THNSL1: variants seen among roughly 807,000 people sequenced by gnomAD.
THNSL1 encodes the protein threonine synthase-like 1.
THNSL1 carries 48 observed loss-of-function variants against 50.4 expected under a neutral mutation model. The ratio of observed to expected loss-of-function variants is 0.95; its 90% confidence interval spans 0.76 to 1.21. The LOEUF (loss-of-function observed/expected upper bound fraction) is 1.21, where lower values mean the gene tolerates loss of function less well. Ranked by LOEUF, THNSL1 falls within the 50% of genes most tolerant of loss-of-function variation. The pLI is 0.00. For missense variants in THNSL1, 896 were observed against 871.7 expected (o/e 1.03, Z -0.35); for synonymous variants, 309 against 306.1 (o/e 1.01, Z -0.10).
chr10:24,956,633 T>C, the THNSL1 span, among the ~76,000 whole-genome samples: 3 of 152,190 alleles, frequency 2.0e-5, no homozygotes, highest in Non-Finnish European at 2.9e-5. Flanking sequence ...ACTCATCATC[T>C]CAAGCATTTT....
chr10:24,960,156 T>C, the THNSL1 span, among the ~76,000 whole-genome samples: 2 of 152,208 alleles, frequency 1.3e-5, no homozygotes, highest in African/African-American at 4.8e-5. Context: ...CAATTCCCTT[T>C]TGTCTCTCTC....
intron 1 of THNSL1, among the ~76,000 whole-genome samples, chr10:25,016,999 T>G (rs1040472687): frequency 1.3e-5 from 2 of 152,094 alleles, no homozygotes; most frequent in Non-Finnish European, 2.9e-5. Context: ...GCCCGCGGCC[T>G]CCTCCGCCTG....
chr10:24,987,043 C>T, the THNSL1 span, among the ~76,000 whole-genome samples: 1 of 152,192 alleles, frequency 6.6e-6, no homozygotes, highest in Non-Finnish European at 1.5e-5. Flanking sequence ...GTGGGGTGCT[C>T]CCAGCTCTTT....
chr10:24,961,314 A>G, the THNSL1 span, among the ~76,000 whole-genome samples: 38 of 152,322 alleles, frequency 2.5e-4, no homozygotes, highest in South Asian at 7.3e-3. Context: ...TGAAATAGCA[A>G]TGCCATCACT....
At chr10:24,994,490 C>T in the THNSL1 span, among the ~76,000 whole-genome samples, 7 of 151,696 alleles carry the variant, frequency 4.6e-5, no homozygotes, top group African/African-American at 1.5e-4. Flanking sequence ...CACACCACCA[C>T]GCCTGGCTAA....
the THNSL1 span, among the ~76,000 whole-genome samples, chr10:24,978,150 AGGTATAATT>A: frequency 6.6e-6 from 1 of 152,152 alleles, no homozygotes; most frequent in Admixed American, 6.5e-5. Flanking sequence ...TTCAGTTTGC[AGGTATAATT>A]GGTATTCACT....
chr10:24,952,981 G>A, the THNSL1 span, among the ~76,000 whole-genome samples: 1 of 151,986 alleles, frequency 6.6e-6, no homozygotes, highest in African/African-American at 2.4e-5. This position sits in a 1 kb window ranked among gnomAD's most constrained non-coding sequence, Gnocchi z 5.1. Context: ...GTGTCCCCCA[G>A]GCCCCTGATT....
the THNSL1 span, among the ~76,000 whole-genome samples, chr10:25,007,415 CTTATTTAT>C: frequency 6.6e-6 from 1 of 151,928 alleles, no homozygotes; most frequent in Non-Finnish European, 1.5e-5. Flanking sequence ...GTATAGGTTT[CTTATTTAT>C]TTATTTATTT....
At chr10:24,954,181 T>G in the THNSL1 span, among the ~76,000 whole-genome samples, 40 of 152,300 alleles carry the variant, frequency 2.6e-4, no homozygotes, top group African/African-American at 9.6e-4. Flanking sequence ...AGAAAAGTGC[T>G]ATCATTAGGA....
chr10:25,006,639 C>CA, the THNSL1 span, among the ~76,000 whole-genome samples: 4 of 151,490 alleles, frequency 2.6e-5, no homozygotes, highest in Admixed American at 6.6e-5. Flanking sequence ...ATAGCCTCAT[C>CA]AAAAAAAACC....
chr10:24,982,767 G>A, the THNSL1 span: 1 of 152,156 alleles, frequency 6.6e-6, no homozygotes, highest in African/African-American at 2.4e-5. Context: ...TCCCTCTGAA[G>A]GCTCTGTGAA....
the THNSL1 span, among the ~76,000 whole-genome samples, chr10:24,956,465 AT>A: frequency 6.0e-3 from 784 of 131,704 alleles, 5 homozygotes; most frequent in African/African-American, 0.016. Flanking sequence ...CATTTTATTT[AT>A]TTTTTTTTTT....
At chr10:24,984,761 G>A in the THNSL1 span, 1 of 1,611,836 alleles carries the variant, frequency 6.2e-7, no homozygotes, top group Non-Finnish European at 8.5e-7. Context: ...ATAATCTTGT[G>A]CTTTTCAATT....
the THNSL1 span, among the ~76,000 whole-genome samples, chr10:24,963,877 T>C: frequency 4.6e-5 from 7 of 152,182 alleles, no homozygotes; most frequent in Non-Finnish European, 7.4e-5. Flanking sequence ...CTATCCATTG[T>C]GAAAAGCTGT....
chr10:24,990,730 C>A, the THNSL1 span: 1 of 1,002,494 alleles, frequency 1.0e-6, no homozygotes, highest in Non-Finnish European at 1.4e-6. Flanking sequence ...GTTCAAAACC[C>A]TGTAAATTGA....
the THNSL1 span, among the ~76,000 whole-genome samples, chr10:24,963,002 C>T: frequency 1.3e-5 from 2 of 151,890 alleles, no homozygotes; most frequent in South Asian, 2.1e-4. Context: ...CATGGTAAGG[C>T]CAGATGCTGA....
chr10:24,977,246 G>A, the THNSL1 span, among the ~76,000 whole-genome samples: 1 of 152,244 alleles, frequency 6.6e-6, no homozygotes, highest in African/African-American at 2.4e-5. Flanking sequence ...ATAGATATAT[G>A]TATAATTATT....
the THNSL1 span, chr10:24,953,273 C>T: frequency 2.6e-5 from 4 of 151,094 alleles, no homozygotes; most frequent in African/African-American, 9.7e-5. Flanking sequence ...CCTCCCTCAT[C>T]CCAGGGCCTG....
chr10:24,955,196 A>C, the THNSL1 span, among the ~76,000 whole-genome samples: 3 of 152,118 alleles, frequency 2.0e-5, no homozygotes, highest in Non-Finnish European at 2.9e-5. Context: ...AAACCATCAG[A>C]TCTTGTGAGA....
Sources: gnomAD v4.1 joint callset for allele counts (sites outside exome capture counted in the v4.1 genomes callset) on GRCh38, gnomAD v4.1.1 for gene constraint, Gnocchi (gnomAD v3.1) non-coding constraint, MANE v1.5 for transcripts, NCBI Gene and HGNC (gene_info 2026-07-23, HGNC 2026-07-21) for gene names.